Variants in CPZ observed in about 807,000 individuals in gnomAD.
CPZ encodes the protein VEZT/CPZ fusion.
In CPZ, 103 loss-of-function variants were observed where a neutral mutation model predicts 61.8. The observed-to-expected ratio is 1.67, with a 90% CI of 1.42 to 1.96. The LOEUF is 1.96. CPZ is among the 30% of genes most tolerant of loss of function. CPZ has a pLI of 0.00. For missense variants in CPZ, 1,461 were observed against 914.9 expected (o/e 1.60, Z -7.70); for synonymous variants, 551 against 373.7 (o/e 1.47, Z -5.47).
chr4:8,616,722 A>C (rs4590008), intron 9 of CPZ, among the ~76,000 whole-genome samples: 3 of 152,116 alleles, frequency 2.0e-5, no homozygotes, highest in African/African-American at 7.2e-5. Flanking sequence ...TGGCTTCTCG[A>C]GCTGTCCAGT....
intron 2 of CPZ, chr4:8,600,905 G>C (rs1714525427): frequency 7.8e-7 from 1 of 1,276,502 alleles, no homozygotes; most frequent in African/African-American, 1.5e-5. Flanking sequence ...CTGGCTTGCT[G>C]GTGGGTAGTT....
At chr4:8,606,989 G>A (rs1715079630) in intron 6 of CPZ, 91 bp downstream of exon 6, 4 of 1,428,482 alleles carry the variant, frequency 2.8e-6, no homozygotes, top group East Asian at 2.5e-5. Context: ...CTTCCCTGGG[G>A]ACAGGAGAGC....
intron 10 of CPZ, among the ~76,000 whole-genome samples, chr4:8,618,780 G>A (rs193126037): frequency 6.6e-6 from 1 of 152,170 alleles, no homozygotes; most frequent in African/African-American, 2.4e-5. Flanking sequence ...GTATTCCTAG[G>A]AAAATGCCGC....
chr4:8,617,389 G>T (rs977509630), intron 9 of CPZ, among the ~76,000 whole-genome samples: 2 of 152,214 alleles, frequency 1.3e-5, no homozygotes, highest in Non-Finnish European at 2.9e-5. Flanking sequence ...CCGGGGCCAG[G>T]GAAGGAGGAT....
rs78537066 is a variant in CPZ at position 8,619,512 on chromosome 4, G to C, written c.1854G>C (p.Pro618=). 4 of 1,597,956 alleles carry C rather than the reference G, an allele frequency of 2.5e-6. No homozygotes were observed. The highest frequency in any genetic ancestry group is 1.1e-5 in the South Asian group (1 of 89,092). ...TGGGGGAGGCCACGGAGCCCGACCCGCTCCGGGCGCGCAGGCAGCCCTCGG... is the reference window on the plus strand; with the variant it reads ...TGGGGGAGGCCACGGAGCCCGACCCCCTCCGGGCGCGCAGGCAGCCCTCGG... ...SSLGEATEPD[P]LRARRQPSAD... is the part of the protein sequence containing the mutation. The change falls in exon 11 of 11, where the codon CCG becomes CCC. Residue 618 remains proline, a synonymous_variant. Transcript: ENST00000360986.
At chr4:8,615,806 G>T (rs1716114442) in intron 9 of CPZ, among the ~76,000 whole-genome samples, 1 of 152,158 alleles carries the variant, frequency 6.6e-6, no homozygotes, top group Admixed American at 6.5e-5. Flanking sequence ...GAAAAATCAG[G>T]AACCTTCCTC....
Position 8,614,412 on chromosome 4 carries a change from C to G in CPZ, c.1417C>G (p.Leu473Val), listed in dbSNP as rs1306330224. The change falls in exon 9 of 11, where the codon CTG (leucine) becomes GTG (valine). Residue 473 changes from leucine (L) to valine (V), a missense_variant. Transcript: ENST00000360986. ...CAACTGCTTTGAGATCACGGTAGAG[C>G]TGGGCTGTGTGAAGTTCCCCCCCGA... Reference protein sequence around the residue: ...HTNCFEITVELGCVKFPPEEA... With the variant: ...HTNCFEITVEVGCVKFPPEEA... 3 of 1,614,076 alleles carry G rather than the reference C, an allele frequency of 1.9e-6. No homozygotes were observed. The highest frequency in any genetic ancestry group is 2.5e-6 in the Non-Finnish European group (3 of 1,179,966).
Position 8,612,177 on chromosome 4 carries a change from G to A in CPZ, c.1363+15G>A. 2 of 1,097,772 alleles carry A rather than the reference G, an allele frequency of 1.8e-6. No homozygotes were observed. Among genetic ancestry groups the A allele is most frequent in the Non-Finnish European group, 2.4e-6 (2 of 823,390 alleles). The allele number at this position is 1,097,772 out of a possible 1,614,324, so 68.0% of individuals were successfully genotyped here. A position where few individuals can be genotyped will look rare whatever the true frequency, so the allele number is the denominator to read the frequency against. Reference sequence around the variant, plus strand: ...CTTCACGGGAGGTGCGGCTTCCGCAGGGCGGGACTGGGCGGGGGGTGGGGG... The same window carrying A: ...CTTCACGGGAGGTGCGGCTTCCGCAAGGCGGGACTGGGCGGGGGGTGGGGG... On this transcript the variant is annotated intron_variant, in intron 8 of 10. Coordinates refer to ENST00000360986, the MANE Select transcript of CPZ (RefSeq NM_001014447.3).
Position 8,604,185 on chromosome 4 carries a change from C to CTGAG in CPZ, c.709+4_709+7dup. 6.5e-7 allele frequency: 1 copy of CTGAG among 1,549,030 alleles called. No individual in the cohort carries two copies. Among genetic ancestry groups the CTGAG allele is most frequent in the Non-Finnish European group, 8.7e-7 (1 of 1,144,306 alleles). On this transcript the variant is annotated frameshift_variant, in exon 4 of 11. Transcript: ENST00000360986. LOFTEE classifies it high-confidence loss of function. ...CTCCAGCCGCCCCGGCCAGCACGAG[C>CTGAG]TGAGTGAGTGCCCTTGGGAGAGCCT...
At chr4:8,610,860 C>T (rs1715594055) in intron 7 of CPZ, among the ~76,000 whole-genome samples, 1 of 152,190 alleles carries the variant, frequency 6.6e-6, no homozygotes, top group Non-Finnish European at 1.5e-5. Flanking sequence ...GGCACAGCCT[C>T]ACTTCTGAGA....
rs76756393 is a variant in CPZ at position 8,592,845 on chromosome 4, G to A, written c.12G>A (p.Pro4=). 3 of 1,463,600 alleles carry A rather than the reference G, an allele frequency of 2.0e-6. No individual in the cohort carries two copies. The highest frequency in any genetic ancestry group is 2.7e-6 in the Non-Finnish European group (3 of 1,108,690). 90.7% of individuals were successfully genotyped at this position (1,463,600 alleles called of 1,614,324 possible). Reference sequence around the variant, plus strand: ...TCCGCCGCCCCACCATGCCGCCCCCGCTGCCGCTGCTGCTCCTTACAGTCC... The same window carrying A: ...TCCGCCGCCCCACCATGCCGCCCCCACTGCCGCTGCTGCTCCTTACAGTCC... MPP[P]LPLLLLTVLV... The change falls in exon 1 of 11, where the codon CCG becomes CCA. Residue 4 remains proline, a synonymous_variant. Transcript: ENST00000360986.
intron 9 of CPZ, among the ~76,000 whole-genome samples, chr4:8,617,356 C>G (rs1291226124): frequency 6.6e-6 from 1 of 152,196 alleles, no homozygotes; most frequent in Non-Finnish European, 1.5e-5. Context: ...CAGAGAAAAA[C>G]CAGCCCCTCT....
At chr4:8,599,009 C>T (rs548245354) in intron 1 of CPZ, among the ~76,000 whole-genome samples, 7 of 152,200 alleles carry the variant, frequency 4.6e-5, no homozygotes, top group Non-Finnish European at 8.8e-5. Flanking sequence ...CTGGTGAGGG[C>T]TCCGGGGGCT....
chr4:8,616,516 G>A (rs1374814996), intron 9 of CPZ, among the ~76,000 whole-genome samples: 1 of 152,228 alleles, frequency 6.6e-6, no homozygotes, highest in Non-Finnish European at 1.5e-5. Context: ...TGGGGCCGTG[G>A]GGCCCTGGGG....
chr4:8,605,979 T>C lies in CPZ; in HGVS notation c.710-10T>C, dbSNP rs770828220. 1.2e-6 allele frequency: 2 copies of C among 1,610,046 alleles called. No homozygotes were observed. The highest frequency in any genetic ancestry group is 4.5e-5 in the East Asian group (2 of 44,798). On this transcript the variant is annotated splice_polypyrimidine_tract_variant and intron_variant, in intron 4 of 10. Coordinates refer to ENST00000360986, the MANE Select transcript of CPZ (RefSeq NM_001014447.3). Reference sequence around the variant, plus strand: ...GAGATGATGCCCCAAGTCTCTGTATTTGCCCCCAGTGGAGCCCGAGGTGAA... The same window carrying C: ...GAGATGATGCCCCAAGTCTCTGTATCTGCCCCCAGTGGAGCCCGAGGTGAA...
At chr4:8,619,154 G>T in intron 10 of CPZ, 108 bp from the exon 11 acceptor site, 1 of 919,286 alleles carries the variant, frequency 1.1e-6, no homozygotes. Context: ...GTGCACATTT[G>T]GCGCCTGCCT....
chr4:8,613,023 C>T (rs1259822729), intron 8 of CPZ, among the ~76,000 whole-genome samples: 1 of 152,222 alleles, frequency 6.6e-6, no homozygotes, highest in Non-Finnish European at 1.5e-5. Context: ...GGCGCAGCCT[C>T]TCTCCCTTCC....
Position 8,619,651 on chromosome 4 carries a change from C to G in CPZ, c.*34C>G. ...CCAGCACCCGCCAGGATGTGGAGACCGAGGCCCATCTCCGCATCCCGGGCT... is the reference window on the plus strand; with the variant it reads ...CCAGCACCCGCCAGGATGTGGAGACGGAGGCCCATCTCCGCATCCCGGGCT... On this transcript the variant is annotated 3_prime_UTR_variant, in exon 11 of 11. Transcript: ENST00000360986. 1 of 1,436,252 alleles carries G rather than the reference C, an allele frequency of 7.0e-7. No homozygotes were observed. Among genetic ancestry groups the G allele is most frequent in the South Asian group, 1.5e-5 (1 of 64,706 alleles). The allele number at this position is 1,436,252 out of a possible 1,614,324, so 89.0% of individuals were successfully genotyped here. A position where few individuals can be genotyped will look rare whatever the true frequency, so the allele number is the denominator to read the frequency against.
At chr4:8,608,771 A>G (rs1424912319) in intron 7 of CPZ, among the ~76,000 whole-genome samples, 1 of 147,578 alleles carries the variant, frequency 6.8e-6, no homozygotes, top group African/African-American at 2.4e-5. Context: ...TGAGGTAGAG[A>G]TTTCCAGCTG....
Sources: gnomAD v4.1 joint callset for allele counts (sites outside exome capture counted in the v4.1 genomes callset) on GRCh38, gnomAD v4.1.1 for gene constraint, MANE v1.5 for transcripts, NCBI Gene and HGNC (gene_info 2026-07-23, HGNC 2026-07-21) for gene names.